The following ADGRB3 variants were observed in gnomAD, a reference collection of about 807,000 sequenced individuals.
The protein encoded by ADGRB3 is adhesion G protein-coupled receptor B3.
In ADGRB3, 37 loss-of-function variants were observed where a neutral mutation model predicts 193.4. That is an observed-to-expected ratio of 0.19 (90% CI 0.15 to 0.25). The LOEUF (loss-of-function observed/expected upper bound fraction) is 0.25. Ranked by LOEUF, ADGRB3 falls within the 10% of genes least tolerant of loss-of-function variation. The pLI is 1.00. For missense variants in ADGRB3, 1,637 were observed against 1,852.9 expected (o/e 0.88, Z 2.14); for synonymous variants, 690 against 644.2 (o/e 1.07, Z -1.08).
intron 29 of ADGRB3, among the ~76,000 whole-genome samples, chr6:69,367,695 C>T (rs868099166): frequency 1.3e-5 from 2 of 151,850 alleles, no homozygotes; most frequent in Non-Finnish European, 2.9e-5. Context: ...CACATGCACA[C>T]GTATGTTTAT....
chr6:68,839,704 C>T (rs528424253), intron 3 of ADGRB3, among the ~76,000 whole-genome samples: 38 of 152,252 alleles, frequency 2.5e-4, no homozygotes, highest in Non-Finnish European at 4.4e-4. Context: ...AAATGTAACA[C>T]CTATTTACAC....
At chr6:68,874,677 A>G (rs1765542520) in intron 3 of ADGRB3, among the ~76,000 whole-genome samples, 1 of 152,202 alleles carries the variant, frequency 6.6e-6, no homozygotes, top group South Asian at 2.1e-4. Context: ...GCTTAAACAT[A>G]TAGTGCTGGA....
rs150410537 is a variant in ADGRB3, at chr6:68,813,105, G to C, written c.758-117454G>C. On this transcript the variant is annotated intron_variant, in intron 3 of 31. Transcript: ENST00000370598. ...CCAGGGGGAGGTCATTGAATCATGG[G>C]GGCCTGTCTTTCCCATGCTATTCTT... Among the ~76,000 whole-genome samples the C allele has an allele frequency of 6.6e-3, 1,003 of 152,142 alleles. 13 individuals carry two copies. The highest frequency in any genetic ancestry group is 0.023 in the African/African-American group (962 of 41,514).
intron 3 of ADGRB3, among the ~76,000 whole-genome samples, chr6:68,668,296 G>A (rs1239047040): frequency 6.6e-6 from 1 of 151,926 alleles, no homozygotes; most frequent in Non-Finnish European, 1.5e-5. Flanking sequence ...TGTCTAATAA[G>A]CTGAAACTAA....
intron 3 of ADGRB3, among the ~76,000 whole-genome samples, chr6:68,850,865 T>C (rs1768384241): frequency 6.6e-6 from 1 of 152,090 alleles, no homozygotes; most frequent in Admixed American, 6.6e-5. Context: ...GAATTATATA[T>C]TGTTACATAA....
rs1771788381 is a variant in ADGRB3, at chr6:69,062,867, T to C, written c.2334-67T>C. The stretch of plus-strand genomic sequence containing the variant: ...TTATTTGAAACCATCCCAAAATGTA[T>C]TGAGCAGTAGGAATTTATACTTTTC... On this transcript the variant is annotated intron_variant, in intron 15 of 31. Coordinates refer to ENST00000370598, the MANE Select transcript of ADGRB3 (RefSeq NM_001704.3). 24 of 1,129,598 alleles carry C rather than the reference T, an allele frequency of 2.1e-5. No individual in the cohort carries two copies. In the South Asian group the frequency reaches 2.9e-4, roughly 14 times the overall value. 70.0% of individuals were successfully genotyped at this position (1,129,598 alleles called of 1,614,324 possible). A position where few individuals can be genotyped will look rare whatever the true frequency, so the allele number is the denominator to read the frequency against.
intron 3 of ADGRB3, among the ~76,000 whole-genome samples, chr6:68,915,745 G>A (rs1395223284): frequency 6.6e-6 from 1 of 151,828 alleles, no homozygotes; most frequent in Non-Finnish European, 1.5e-5. Context: ...CTTGCCTTCT[G>A]TCTGGAGCTT....
At chr6:69,317,351 A>T (rs893171591) in intron 20 of ADGRB3, among the ~76,000 whole-genome samples, 10 of 151,386 alleles carry the variant, frequency 6.6e-5, no homozygotes, top group Non-Finnish European at 1.0e-4. Flanking sequence ...GGTTTAATAC[A>T]TACACTTGTT....
At chr6:68,876,112 A>G (rs1450146762) in intron 3 of ADGRB3, among the ~76,000 whole-genome samples, 1 of 152,192 alleles carries the variant, frequency 6.6e-6, no homozygotes, top group East Asian at 1.9e-4. Context: ...CAATCAATAA[A>G]TATGTATTAA....
intron 10 of ADGRB3, among the ~76,000 whole-genome samples, chr6:68,984,160 G>A (rs1024578882): frequency 2.0e-5 from 3 of 152,092 alleles, no homozygotes; most frequent in African/African-American, 7.2e-5. Context: ...TGAGAAGAGG[G>A]ATGGTTTGAT....
rs550732667 is a variant in ADGRB3, at chr6:68,903,381, A to G, written c.758-27178A>G. On this transcript the variant is annotated intron_variant, in intron 3 of 31. Coordinates refer to ENST00000370598, the MANE Select transcript of ADGRB3 (RefSeq NM_001704.3). ...CCTCATATTTCTTAATGAATAGAAAAAGATTACAAATTTAGTGATAATATT... is the reference window on the plus strand; with the variant it reads ...CCTCATATTTCTTAATGAATAGAAAGAGATTACAAATTTAGTGATAATATT... 4.1e-4 allele frequency among the ~76,000 whole-genome samples: 63 copies of G among 152,322 alleles called. 1 individual carries two copies. In the South Asian group the frequency reaches 8.9e-3, roughly 22 times the overall value.
chr6:69,230,552 A>G (rs1360898563), intron 17 of ADGRB3, among the ~76,000 whole-genome samples: 1 of 152,218 alleles, frequency 6.6e-6, no homozygotes, highest in Non-Finnish European at 1.5e-5. Context: ...AAAAGTTTGA[A>G]AATACAGACT....
At chr6:68,863,583 A>G (rs1765212902) in intron 3 of ADGRB3, among the ~76,000 whole-genome samples, 1 of 152,126 alleles carries the variant, frequency 6.6e-6, no homozygotes, top group Admixed American at 6.5e-5. Context: ...GCAAACTCAC[A>G]CATTTTGAAA....
chr6:69,384,527 C>A (rs757314594), intron 31 of ADGRB3, among the ~76,000 whole-genome samples: 1 of 152,022 alleles, frequency 6.6e-6, no homozygotes, highest in African/African-American at 2.4e-5. Context: ...TCTTATGCAA[C>A]AGATACAGCT....
intron 17 of ADGRB3, among the ~76,000 whole-genome samples, chr6:69,171,854 C>T (rs1014659461): frequency 6.6e-6 from 1 of 152,110 alleles, no homozygotes; most frequent in Non-Finnish European, 1.5e-5. Context: ...TTTTTTCTTC[C>T]TCAGTAATGC....
At chr6:69,363,320 A>G (rs1769492088) in intron 29 of ADGRB3, among the ~76,000 whole-genome samples, 1 of 152,022 alleles carries the variant, frequency 6.6e-6, no homozygotes, top group South Asian at 2.1e-4. Flanking sequence ...CATTCTTTAA[A>G]TGAATTTAAT....
At chr6:68,795,123 T>C (rs1320961271) in intron 3 of ADGRB3, among the ~76,000 whole-genome samples, 1 of 152,036 alleles carries the variant, frequency 6.6e-6, no homozygotes, top group Non-Finnish European at 1.5e-5. Flanking sequence ...AGCACATACA[T>C]AGCATTTAGG....
chr6:68,687,788 GA>G (rs939405112), intron 3 of ADGRB3, among the ~76,000 whole-genome samples: 57 of 152,050 alleles, frequency 3.7e-4, no homozygotes, highest in Non-Finnish European at 6.0e-4. Context: ...ATCTGTGAGG[GA>G]AAAAAAGAAA....
At chr6:69,172,773 A>T (rs971944502) in intron 17 of ADGRB3, among the ~76,000 whole-genome samples, 9 of 149,398 alleles carry the variant, frequency 6.0e-5, no homozygotes, top group African/African-American at 1.7e-4. Flanking sequence ...CAGTCAGGGG[A>T]GGCCTTCTTG....
Sources: gnomAD v4.1 joint callset for allele counts (sites outside exome capture counted in the v4.1 genomes callset) on GRCh38, gnomAD v4.1.1 for gene constraint, MANE v1.5 for transcripts, NCBI Gene and HGNC (gene_info 2026-07-23, HGNC 2026-07-21) for gene names.